ERBB4: variants seen among roughly 807,000 people sequenced by gnomAD.
ERBB4 encodes the protein erb-b2 receptor tyrosine kinase 4, also known as receptor tyrosine-protein kinase erbB-4.
ERBB4 carries 42 observed loss-of-function variants against 158.0 expected under a neutral mutation model. The observed-to-expected ratio is 0.27, with a 90% CI of 0.21 to 0.34. ERBB4 has a LOEUF of 0.34. ERBB4 is among the 10% of genes least tolerant of loss of function. The pLI is 1.00. For synonymous variants in ERBB4, 583 were observed against 558.7 expected (o/e 1.04, Z -0.61); for missense variants, 1,333 against 1,624.1 (o/e 0.82, Z 3.08).
At chr2:211,807,529 A>C (rs2076648200) in intron 3 of ERBB4, among the ~76,000 whole-genome samples, 1 of 152,130 alleles carries the variant, frequency 6.6e-6, no homozygotes, top group Non-Finnish European at 1.5e-5. Context: ...ACATTTTCTT[A>C]ATCCAATCTA....
chr2:212,250,350 C>T (rs995763308), intron 1 of ERBB4, among the ~76,000 whole-genome samples: 3 of 151,818 alleles, frequency 2.0e-5, no homozygotes, highest in African/African-American at 7.2e-5. Context: ...AGTTTCCAAC[C>T]TTATGTAATT....
intron 1 of ERBB4, among the ~76,000 whole-genome samples, chr2:212,245,998 T>A (rs2084294087): frequency 6.6e-6 from 1 of 152,138 alleles, no homozygotes. Context: ...AGGCTTTGCA[T>A]CTGCCAGTGT....
At chr2:212,036,136 C>T (rs1008374343) in intron 2 of ERBB4, among the ~76,000 whole-genome samples, 3 of 152,082 alleles carry the variant, frequency 2.0e-5, no homozygotes, top group African/African-American at 4.8e-5. Flanking sequence ...GATGAGTCAC[C>T]TTTATCAACC....
chr2:211,485,421 C>T (rs12994770), intron 20 of ERBB4, among the ~76,000 whole-genome samples: 34,880 of 151,914 alleles, frequency 0.23, 4,349 homozygotes, highest in African/African-American at 0.33. Flanking sequence ...CTTACTCTAA[C>T]AATTCACCCT....
At chr2:211,639,867 AC>A (rs569507644) in intron 16 of ERBB4, among the ~76,000 whole-genome samples, 5 of 151,172 alleles carry the variant, frequency 3.3e-5, no homozygotes, top group Admixed American at 1.3e-4. Context: ...GATTACAGGC[AC>A]CCCCCCACCA....
intron 1 of ERBB4, among the ~76,000 whole-genome samples, chr2:212,368,724 A>G (rs1192692415): frequency 2.0e-5 from 3 of 152,132 alleles, no homozygotes; most frequent in Non-Finnish European, 4.4e-5. Flanking sequence ...TATAAGACAC[A>G]TATACCACCA....
chr2:211,395,488 T>G (rs1415427414), intron 25 of ERBB4, among the ~76,000 whole-genome samples: 2 of 152,106 alleles, frequency 1.3e-5, no homozygotes, highest in African/African-American at 2.4e-5. Context: ...GCATTTTTTA[T>G]GTTTTTCAGA....
At chr2:212,044,670 A>G (rs1264825449) in intron 2 of ERBB4, among the ~76,000 whole-genome samples, 1 of 152,152 alleles carries the variant, frequency 6.6e-6, no homozygotes, top group African/African-American at 2.4e-5. Flanking sequence ...GTTAGTACAA[A>G]GCTTCAAAAG....
chr2:211,725,027 G>A (rs1392961918), intron 6 of ERBB4, 49 bp downstream of exon 6: 2 of 1,292,426 alleles, frequency 1.5e-6, no homozygotes, highest in South Asian at 2.4e-5. Context: ...GAATCAAATA[G>A]GGAAGGAAAG....
intron 1 of ERBB4, among the ~76,000 whole-genome samples, chr2:212,460,547 G>A (rs769838956): frequency 1.1e-4 from 16 of 152,250 alleles, no homozygotes; most frequent in Non-Finnish European, 1.8e-4. Context: ...TAGCAAAGAG[G>A]CTGGCATCAT....
At chr2:211,987,393 A>G (rs1453122725) in intron 2 of ERBB4, among the ~76,000 whole-genome samples, 1 of 151,432 alleles carries the variant, frequency 6.6e-6, no homozygotes, top group African/African-American at 2.4e-5. Flanking sequence ...ATCAAAAATT[A>G]TGTTGCTAAA....
At chr2:212,019,817 AAGGG>A (rs1269790113) in intron 2 of ERBB4, among the ~76,000 whole-genome samples, 2 of 149,418 alleles carry the variant, frequency 1.3e-5, no homozygotes, top group African/African-American at 4.9e-5. Flanking sequence ...GGAAGGAAGG[AAGGG>A]AGGGAGGGAG....
At chr2:211,476,797 G>A (rs1195156150) in intron 20 of ERBB4, among the ~76,000 whole-genome samples, 1 of 152,078 alleles carries the variant, frequency 6.6e-6, no homozygotes, top group Non-Finnish European at 1.5e-5. Context: ...TAGTAGCTTA[G>A]AAGGAAGGCA....
chr2:212,062,399 C>T (rs188149709), intron 2 of ERBB4, among the ~76,000 whole-genome samples: 4,300 of 81,084 alleles, frequency 0.053, 104 homozygotes, highest in South Asian at 0.078. Flanking sequence ...CTTGTCAATT[C>T]TTTTTTTTTT....
chr2:211,788,578 T>C (rs1559520220), intron 3 of ERBB4, among the ~76,000 whole-genome samples: 1 of 152,148 alleles, frequency 6.6e-6, no homozygotes, highest in Non-Finnish European at 1.5e-5. Flanking sequence ...ATAGTATAAA[T>C]TAAATGGTAA....
chr2:212,294,504 AC>A (rs1192452444), intron 1 of ERBB4, among the ~76,000 whole-genome samples: 1 of 152,008 alleles, frequency 6.6e-6, no homozygotes, highest in Non-Finnish European at 1.5e-5. Flanking sequence ...AATTATATAT[AC>A]AAAACTGTAT....
intron 3 of ERBB4, among the ~76,000 whole-genome samples, chr2:211,871,735 A>T (rs2106115856): frequency 6.6e-6 from 1 of 152,220 alleles, no homozygotes; most frequent in East Asian, 1.9e-4. Context: ...CCAAAAATAT[A>T]TATTTCTATT....
chr2:212,087,187 A>G (rs754488670), intron 2 of ERBB4, among the ~76,000 whole-genome samples: 1 of 152,036 alleles, frequency 6.6e-6, no homozygotes, highest in African/African-American at 2.4e-5. Context: ...ACACACACAC[A>G]CACACAAATA....
intron 3 of ERBB4, among the ~76,000 whole-genome samples, chr2:211,931,303 T>G (rs1405617906): frequency 6.6e-6 from 1 of 152,112 alleles, no homozygotes; most frequent in Non-Finnish European, 1.5e-5. Context: ...ATAAACACAT[T>G]TTGTTACTAT....
Sources: gnomAD v4.1 joint callset for allele counts (sites outside exome capture counted in the v4.1 genomes callset) on GRCh38, gnomAD v4.1.1 for gene constraint, MANE v1.5 for transcripts, NCBI Gene and HGNC (gene_info 2026-07-23, HGNC 2026-07-21) for gene names.